The following RNF217 variants were observed in gnomAD, a reference collection of about 807,000 sequenced individuals.
RNF217 encodes the protein ring finger protein 217.
In RNF217, 31 loss-of-function variants were observed where a neutral mutation model predicts 57.8. That is an observed-to-expected ratio of 0.54 (90% confidence interval 0.40 to 0.72). RNF217 has a LOEUF of 0.72. RNF217 is among the 30% of genes least tolerant of loss of function. The pLI, the probability that RNF217 is intolerant of heterozygous loss-of-function variation, is 0.00. For missense variants in RNF217, 696 were observed against 708.3 expected (o/e 0.98, Z 0.20); for synonymous variants, 313 against 294.0 (o/e 1.06, Z -0.66).
chr6:124,989,275 A>T (rs1225586706), intron 1 of RNF217, among the ~76,000 whole-genome samples: 1 of 152,232 alleles, frequency 6.6e-6, no homozygotes, highest in Non-Finnish European at 1.5e-5. Context: ...GTCTCACTGC[A>T]TAATAAACAA....
intron 3 of RNF217, among the ~76,000 whole-genome samples, chr6:125,074,678 A>G (rs1208948463): frequency 6.6e-6 from 1 of 152,094 alleles, no homozygotes; most frequent in African/African-American, 2.4e-5. Context: ...GGATGATTTT[A>G]TCCCACCTCC....
intron 3 of RNF217, among the ~76,000 whole-genome samples, chr6:125,065,010 T>A (rs1316801230): frequency 6.6e-6 from 1 of 152,150 alleles, no homozygotes; most frequent in East Asian, 1.9e-4. Context: ...AACTATGCAA[T>A]CACGCCGGTA....
chr6:124,968,672 T>C (rs1783643040), intron 1 of RNF217, among the ~76,000 whole-genome samples: 1 of 152,160 alleles, frequency 6.6e-6, no homozygotes, highest in Non-Finnish European at 1.5e-5. Context: ...CAAATAACAT[T>C]ACAAGTACTG....
intron 1 of RNF217, among the ~76,000 whole-genome samples, chr6:125,036,789 A>G (rs1157918200): frequency 6.6e-6 from 1 of 151,932 alleles, no homozygotes; most frequent in East Asian, 1.9e-4. Context: ...CATTAGAGAA[A>G]TGCAAATCAA....
intron 3 of RNF217, among the ~76,000 whole-genome samples, chr6:125,066,513 T>C (rs1787943213): frequency 6.6e-6 from 1 of 152,262 alleles, no homozygotes; most frequent in South Asian, 2.1e-4. Flanking sequence ...GGAATGTTCT[T>C]ACCACAGATG....
At chr6:125,060,525 A>G (rs547280956) in intron 3 of RNF217, among the ~76,000 whole-genome samples, 1 of 152,248 alleles carries the variant, frequency 6.6e-6, no homozygotes, top group South Asian at 2.1e-4. Context: ...GCTCACTGCA[A>G]CCTTCGCCTC....
Position 124,962,648 on chromosome 6 carries a change from G to A in RNF217, c.104G>A (p.Gly35Glu). Residue 35 changes from glycine to glutamate, a missense_variant, in exon 1 of 6, where the codon GGG becomes GAG. Gly to Glu is a moderately conservative substitution (Grantham distance 98, BLOSUM62 -2). Transcript: ENST00000521654. The surrounding 1 kb of genome is among the most constrained non-coding windows in gnomAD (Gnocchi z 4.6). ...CACCCTGAGCCCCCGAGGCCTCAGG[G>A]GGACAGCGCCCGGGCGCCCCCGCTG... The part of the protein sequence containing the change: ...AGHPEPPRPQ[G>E]DSARAPPLRA... 7.5e-7 allele frequency: 1 copy of A among 1,331,236 alleles called. No homozygotes were observed. The highest frequency in any genetic ancestry group is 9.5e-7 in the Non-Finnish European group (1 of 1,051,980). The allele number at this position is 1,331,236 out of a possible 1,614,324, so 82.5% of individuals were successfully genotyped here. A position where few individuals can be genotyped will look rare whatever the true frequency, so the allele number is the denominator to read the frequency against.
At chr6:124,980,552 CTTCTAA>C (rs1784126443) in intron 1 of RNF217, among the ~76,000 whole-genome samples, 1 of 152,058 alleles carries the variant, frequency 6.6e-6, no homozygotes, top group South Asian at 2.1e-4. Flanking sequence ...TCCTCTCTTC[CTTCTAA>C]TTCTTTTTTT....
At chr6:125,053,960 A>G (rs972424450) in intron 2 of RNF217, among the ~76,000 whole-genome samples, 2 of 152,160 alleles carry the variant, frequency 1.3e-5, no homozygotes, top group Non-Finnish European at 2.9e-5. Flanking sequence ...AGGAATTAGT[A>G]ATACTACCTC....
intron 1 of RNF217, among the ~76,000 whole-genome samples, chr6:125,032,768 A>G (rs564821279): frequency 2.0e-5 from 3 of 152,156 alleles, no homozygotes; most frequent in Admixed American, 6.5e-5. Flanking sequence ...AAAAATTTGC[A>G]TAAGAGGATA....
intron 1 of RNF217, among the ~76,000 whole-genome samples, chr6:124,970,186 C>CAAGGGAA (rs1783711114): frequency 6.6e-6 from 1 of 152,132 alleles, no homozygotes; most frequent in Non-Finnish European, 1.5e-5. Context: ...ACAGACTAAC[C>CAAGGGAA]AGATATGCCT....
intron 2 of RNF217, among the ~76,000 whole-genome samples, chr6:125,051,430 A>T (rs1160364882): frequency 1.3e-5 from 2 of 151,770 alleles, no homozygotes; most frequent in Non-Finnish European, 2.9e-5. Flanking sequence ...AAGACCTTAC[A>T]TTTCTTATCT....
At chr6:125,041,303 A>G (rs1276933896) in intron 1 of RNF217, among the ~76,000 whole-genome samples, 1 of 151,998 alleles carries the variant, frequency 6.6e-6, no homozygotes, top group Non-Finnish European at 1.5e-5. Context: ...GCTAGACATC[A>G]CTTGTGGGAA....
Position 125,043,399 on chromosome 6 carries a change from G to A in RNF217, c.883-1812G>A, listed in dbSNP as rs74885812. On this transcript the variant is annotated intron_variant, in intron 1 of 5. Coordinates refer to ENST00000521654, the MANE Select transcript of RNF217 (RefSeq NM_001286398.3). ...AAGAAACCTCTTCTGATCCCCCCAGGTCTGAGATTACTATACTTCTCCTGA... is the reference window on the plus strand; with the variant it reads ...AAGAAACCTCTTCTGATCCCCCCAGATCTGAGATTACTATACTTCTCCTGA... Among the ~76,000 whole-genome samples, 329 of 151,824 alleles carry A rather than the reference G, an allele frequency of 2.2e-3. 1 individual carries two copies. Among genetic ancestry groups the A allele is most frequent in the Non-Finnish European group, 4.0e-3 (273 of 67,948 alleles).
chr6:124,974,290 G>A (rs1342748591), intron 1 of RNF217, among the ~76,000 whole-genome samples: 2 of 152,084 alleles, frequency 1.3e-5, no homozygotes, highest in Non-Finnish European at 2.9e-5. Context: ...ATTAGCTTTC[G>A]AGCCTGAATT....
chr6:124,974,584 A>G (rs764224639), intron 1 of RNF217, among the ~76,000 whole-genome samples: 215 of 152,312 alleles, frequency 1.4e-3, no homozygotes, highest in African/African-American at 4.9e-3. Context: ...GTATAGCATA[A>G]TTTCCTTTCC....
chr6:125,002,958 C>G (rs1487886665), intron 1 of RNF217, among the ~76,000 whole-genome samples: 1 of 152,034 alleles, frequency 6.6e-6, no homozygotes, highest in Non-Finnish European at 1.5e-5. Context: ...GCTATGGAGT[C>G]AGAAAATCTT....
chr6:125,027,102 A>G (rs1311845654), intron 1 of RNF217, among the ~76,000 whole-genome samples: 1 of 152,156 alleles, frequency 6.6e-6, no homozygotes, highest in East Asian at 1.9e-4. Flanking sequence ...AGATAAGCAC[A>G]TCATGGAGAA....
chr6:125,059,720 G>C (rs573051849), intron 3 of RNF217, among the ~76,000 whole-genome samples: 117 of 152,268 alleles, frequency 7.7e-4, no homozygotes, highest in Non-Finnish European at 1.0e-3. Flanking sequence ...AAAAGAAGCC[G>C]ACCATGGGGA....
Sources: gnomAD v4.1 joint callset for allele counts (sites outside exome capture counted in the v4.1 genomes callset) on GRCh38, gnomAD v4.1.1 for gene constraint, Gnocchi (gnomAD v3.1) non-coding constraint, MANE v1.5 for transcripts, NCBI Gene and HGNC (gene_info 2026-07-23, HGNC 2026-07-21) for gene names.